RBPJ: variants seen among roughly 807,000 people sequenced by gnomAD.
RBPJ encodes recombination signal binding protein for immunoglobulin kappa J region.
A neutral mutation model predicts 67.8 loss-of-function variants in RBPJ; 9 were observed. That is an observed-to-expected ratio of 0.13 (90% CI 0.08 to 0.23). RBPJ has a LOEUF of 0.23. Among genes scored for constraint, RBPJ ranks in the 10% least tolerant of loss-of-function variants. RBPJ has a pLI of 1.00. For missense variants in RBPJ, 305 were observed against 595.6 expected (o/e 0.51, Z 5.08); for synonymous variants, 198 against 203.3 (o/e 0.97, Z 0.22).
intron 1 of RBPJ, among the ~76,000 whole-genome samples, chr4:26,365,623 A>AGTTCCACTAAGTGTAT (rs1246187627): frequency 6.6e-6 from 1 of 152,240 alleles, no homozygotes; most frequent in Non-Finnish European, 1.5e-5. Flanking sequence ...GATATTGTTT[A>AGTTCCACTAAGTGTAT]GTTCCACTAA....
At chr4:26,108,059 A>G in the RBPJ span, among the ~76,000 whole-genome samples, 4 of 152,182 alleles carry the variant, frequency 2.6e-5, no homozygotes, top group Non-Finnish European at 5.9e-5. Context: ...CTCCTCATCC[A>G]GTGTGGCTGC....
intron 1 of RBPJ, among the ~76,000 whole-genome samples, chr4:26,304,526 A>G (rs1722171639): frequency 6.6e-6 from 1 of 152,210 alleles, no homozygotes; most frequent in Non-Finnish European, 1.5e-5. Flanking sequence ...CTTTTGGCTT[A>G]TTGCCACACT....
At chr4:26,363,610 TG>T in intron 1 of RBPJ, among the ~76,000 whole-genome samples, 1 of 152,068 alleles carries the variant, frequency 6.6e-6, no homozygotes, top group Non-Finnish European at 1.5e-5. Flanking sequence ...TGCTCATTTT[TG>T]TATTTTTAGT....
Position 26,424,327 on chromosome 4 carries a change from G to A in RBPJ, c.497-15G>A. 1 of 1,612,200 alleles carries A rather than the reference G, an allele frequency of 6.2e-7. No individual in the cohort carries two copies. Among genetic ancestry groups the A allele is most frequent in the Non-Finnish European group, 8.5e-7 (1 of 1,179,378 alleles). ...TGCTCCAATCACATAAATAAGAGCT[G>A]TTTTTTCTTTGCAGTATGCATTGCC... On this transcript the variant is annotated splice_polypyrimidine_tract_variant and intron_variant, in intron 5 of 10. Transcript: ENST00000355476. This position sits in a 1 kb window ranked among gnomAD's most constrained non-coding sequence, Gnocchi z 5.3.
At chr4:26,202,970 TAAGGAAGGAAGGAAGGAAGG>T (rs145254724) in intron 1 of RBPJ, among the ~76,000 whole-genome samples, 12 of 138,610 alleles carry the variant, frequency 8.7e-5, no homozygotes, top group East Asian at 6.4e-4. Flanking sequence ...AGGAAGGAAA[TAAGGAAGGAAGGAAGGAAGG>T]AAGGAAGGAA....
intron 1 of RBPJ, among the ~76,000 whole-genome samples, chr4:26,202,328 T>C (rs1345286206): frequency 6.6e-6 from 1 of 151,394 alleles, no homozygotes; most frequent in Non-Finnish European, 1.5e-5. Context: ...TAGTCAAGAA[T>C]GACTCCAGGG....
Position 26,192,042 on chromosome 4 carries a change from T to G in RBPJ, c.-167+28428T>G, listed in dbSNP as rs181873541. On this transcript the variant is annotated intron_variant, in intron 1 of 4. Transcript: ENST00000512351. ...TTTTTTTTTTGAGGCAGAGTCTCAC[T>G]CTGTTGCCCAGGCTGGAGTGCTGTG... Among the ~76,000 whole-genome samples the G allele has an allele frequency of 1.5e-3, 222 of 149,514 alleles. 1 individual carries two copies. The highest frequency in any genetic ancestry group is 5.2e-3 in the African/African-American group (210 of 40,288).
At chr4:26,124,123 C>T in the RBPJ span, among the ~76,000 whole-genome samples, 6 of 151,506 alleles carry the variant, frequency 4.0e-5, no homozygotes, top group East Asian at 3.9e-4. Context: ...TCCTTGGTGG[C>T]GATTTGTGAG....
intron 2 of RBPJ, among the ~76,000 whole-genome samples, chr4:26,400,617 G>A (rs1185471717): frequency 3.9e-5 from 6 of 152,124 alleles, no homozygotes; most frequent in Non-Finnish European, 8.8e-5. Flanking sequence ...AATTTTTAAT[G>A]TTTTAATATT....
chr4:26,314,723 C>T (rs769957146), upstream of RBPJ, among the ~76,000 whole-genome samples: 11 of 152,106 alleles, frequency 7.2e-5, no homozygotes, highest in East Asian at 1.9e-4. Flanking sequence ...GTACAGTCTG[C>T]GGAACCGTGA....
intron 4 of RBPJ, among the ~76,000 whole-genome samples, chr4:26,417,784 G>A (rs187652729): frequency 1.3e-3 from 195 of 152,332 alleles, no homozygotes; most frequent in African/African-American, 4.5e-3. Context: ...TTCGTGTAAG[G>A]AAATAGTCTG....
chr4:26,114,495 A>G, the RBPJ span, among the ~76,000 whole-genome samples: 33 of 135,476 alleles, frequency 2.4e-4, 1 homozygote, highest in African/African-American at 9.1e-4. Context: ...ATATATATAT[A>G]TATGTATGTG....
chr4:26,338,281 G>A (rs774453568), intron 1 of RBPJ, among the ~76,000 whole-genome samples: 5 of 149,774 alleles, frequency 3.3e-5, no homozygotes, highest in African/African-American at 7.4e-5. Flanking sequence ...TCAGCCTCCC[G>A]AGTAGCTGGG....
intron 1 of RBPJ, among the ~76,000 whole-genome samples, chr4:26,184,634 C>T (rs1292005303): frequency 6.6e-6 from 1 of 152,074 alleles, no homozygotes; most frequent in Non-Finnish European, 1.5e-5. Flanking sequence ...GAGGCTGAGT[C>T]AAGTTTTGGT....
rs1375785153 is a variant in RBPJ, at chr4:26,255,361, G to A, written c.-167+91747G>A. ...GGAGCTTGCAGTGAGCCGAGATCGC[G>A]CCACCGCACTCCAGCCTGGGCGACA... is the stretch of plus-strand genomic sequence containing the variant. On this transcript the variant is annotated intron_variant, in intron 1 of 4. Transcript: ENST00000512351. 3.9e-4 allele frequency among the ~76,000 whole-genome samples: 39 copies of A among 99,818 alleles called. 3 individuals carry two copies. The highest frequency in any genetic ancestry group is 5.7e-4 in the African/African-American group (11 of 19,162). 65.5% of individuals were successfully genotyped at this position (99,818 alleles called of 152,430 possible).
At chr4:26,363,286 C>G (rs1023844666) in intron 1 of RBPJ, among the ~76,000 whole-genome samples, 2 of 152,126 alleles carry the variant, frequency 1.3e-5, no homozygotes, top group African/African-American at 4.8e-5. Flanking sequence ...ACTATAGGCA[C>G]TCACCACTAT....
chr4:26,139,065 C>T, the RBPJ span, among the ~76,000 whole-genome samples: 8 of 152,186 alleles, frequency 5.3e-5, no homozygotes, highest in Non-Finnish European at 1.0e-4. Flanking sequence ...CCTGAGGTTC[C>T]GAGAGGCGGG....
At chr4:26,136,104 C>T in the RBPJ span, among the ~76,000 whole-genome samples, 1 of 152,176 alleles carries the variant, frequency 6.6e-6, no homozygotes, top group Non-Finnish European at 1.5e-5. Flanking sequence ...TCCCGTGAGA[C>T]TTATTCGCTA....
At chr4:26,147,448 C>T in the RBPJ span, among the ~76,000 whole-genome samples, 2 of 152,200 alleles carry the variant, frequency 1.3e-5, no homozygotes, top group South Asian at 4.1e-4. Flanking sequence ...CTTCCTTCTT[C>T]AAGTTGCTCA....
Sources: allele counts gnomAD v4.1 joint callset (sites outside exome capture counted in the v4.1 genomes callset), GRCh38; gene constraint gnomAD v4.1.1; non-coding constraint Gnocchi (gnomAD v3.1); transcripts MANE v1.5; gene names NCBI Gene and HGNC (gene_info 2026-07-23, HGNC 2026-07-21).